Variants in SH3GL2 observed in about 807,000 individuals in gnomAD.
The protein encoded by SH3GL2 is SH3 domain containing GRB2 like 2, endophilin A1, also known as endophilin-A1.
SH3GL2 carries 24 observed loss-of-function variants against 46.0 expected under a neutral mutation model. The observed-to-expected ratio is 0.52, with a 90% CI of 0.38 to 0.73. SH3GL2 has a LOEUF of 0.73. Among genes scored for constraint, SH3GL2 ranks in the 30% least tolerant of loss-of-function variants. The pLI is 0.00. For missense variants in SH3GL2, 413 were observed against 424.2 expected, an observed-to-expected ratio of 0.97 and a Z score of 0.23; for synonymous variants, 196 against 147.1, an observed-to-expected ratio of 1.33 and a Z score of -2.40.
intron 3 of SH3GL2, among the ~76,000 whole-genome samples, chr9:17,781,845 C>T (rs1823818729): frequency 6.6e-6 from 1 of 151,870 alleles, no homozygotes; most frequent in Non-Finnish European, 1.5e-5. Context: ...CATTAGCCTT[C>T]CCAGCCTTAC....
chr9:17,627,838 C>A (rs1221031809), intron 1 of SH3GL2, among the ~76,000 whole-genome samples: 1 of 152,138 alleles, frequency 6.6e-6, no homozygotes, highest in Non-Finnish European at 1.5e-5. Flanking sequence ...GTACACAAAC[C>A]ATGGGGATTG....
chr9:17,751,434 T>G (rs1361114803), intron 2 of SH3GL2, among the ~76,000 whole-genome samples: 2 of 152,020 alleles, frequency 1.3e-5, no homozygotes, highest in African/African-American at 2.4e-5. Context: ...AGAAAAACTT[T>G]TGGCTATCAA....
chr9:17,738,568 A>ATGTGTGTG (rs1462735436), intron 1 of SH3GL2, among the ~76,000 whole-genome samples: 1 of 64,652 alleles, frequency 1.5e-5, no homozygotes, highest in Non-Finnish European at 3.6e-5. Context: ...ATACATACAT[A>ATGTGTGTG]TATATATAGA....
intron 1 of SH3GL2, among the ~76,000 whole-genome samples, chr9:17,660,654 T>G (rs530162794): frequency 1.3e-5 from 2 of 152,302 alleles, no homozygotes; most frequent in East Asian, 3.9e-4. Context: ...AGAAAATCAC[T>G]TAATTCCTCC....
chr9:17,765,434 T>C (rs1270583125), intron 3 of SH3GL2, among the ~76,000 whole-genome samples: 1 of 152,216 alleles, frequency 6.6e-6, no homozygotes, highest in Non-Finnish European at 1.5e-5. Flanking sequence ...ACCAAAGTGA[T>C]TTTGTTTAGC....
At chr9:17,757,706 A>G (rs1823039102) in intron 2 of SH3GL2, among the ~76,000 whole-genome samples, 1 of 152,256 alleles carries the variant, frequency 6.6e-6, no homozygotes, top group Admixed American at 6.5e-5. Context: ...TCAAAGTTAA[A>G]CTGTACTGTT....
At chr9:17,729,557 T>C (rs1037614266) in intron 1 of SH3GL2, among the ~76,000 whole-genome samples, 1 of 152,168 alleles carries the variant, frequency 6.6e-6, no homozygotes, top group Non-Finnish European at 1.5e-5. Context: ...CTGAATGGTA[T>C]TGCCTAGGTT....
intron 1 of SH3GL2, among the ~76,000 whole-genome samples, chr9:17,739,923 G>A (rs1822475052): frequency 6.6e-6 from 1 of 152,028 alleles, no homozygotes. Context: ...ATCAATTTCT[G>A]CATTTTCCAT....
At chr9:17,580,883 C>A (rs60403779) in intron 1 of SH3GL2, among the ~76,000 whole-genome samples, 2,036 of 152,144 alleles carry the variant, frequency 0.013, 44 homozygotes, top group African/African-American at 0.047. Context: ...ATTTCTTTTG[C>A]AAAGCTTAGT....
intron 1 of SH3GL2, among the ~76,000 whole-genome samples, chr9:17,724,664 T>A (rs1821979279): frequency 6.6e-6 from 1 of 152,178 alleles, no homozygotes; most frequent in Non-Finnish European, 1.5e-5. Flanking sequence ...CTATGGTAAC[T>A]CTGGATATTG....
At chr9:17,763,004 C>T (rs7852663) in intron 3 of SH3GL2, among the ~76,000 whole-genome samples, 15 of 152,072 alleles carry the variant, frequency 9.9e-5, no homozygotes, top group African/African-American at 3.4e-4. Context: ...ACTTGTAACT[C>T]ATGGTTGTAG....
chr9:17,596,629 C>T (rs986489431), intron 1 of SH3GL2, among the ~76,000 whole-genome samples: 50 of 152,314 alleles, frequency 3.3e-4, no homozygotes, highest in African/African-American at 1.1e-3. Context: ...AGATAGGAGA[C>T]GTTCCCAGTG....
intron 1 of SH3GL2, among the ~76,000 whole-genome samples, chr9:17,699,363 C>A (rs1554641228): frequency 6.6e-6 from 1 of 152,030 alleles, no homozygotes; most frequent in Non-Finnish European, 1.5e-5. Context: ...TATATTTTTC[C>A]AAACTAAATT....
At chr9:17,738,567 TA>T (rs1822416528) in intron 1 of SH3GL2, among the ~76,000 whole-genome samples, 1 of 64,420 alleles carries the variant, frequency 1.6e-5, no homozygotes, top group African/African-American at 4.4e-5. Context: ...TATACATACA[TA>T]TATATATAGA....
At chr9:17,792,023 A>G (rs9406732) in intron 7 of SH3GL2, among the ~76,000 whole-genome samples, 13,893 of 152,176 alleles carry the variant, frequency 0.091, 1,189 homozygotes, top group African/African-American at 0.23. Flanking sequence ...ATTTAGCCAG[A>G]TTAAACAGGA....
chr9:17,683,238 A>G (rs1362394467), intron 1 of SH3GL2, among the ~76,000 whole-genome samples: 3 of 152,136 alleles, frequency 2.0e-5, no homozygotes, highest in Non-Finnish European at 4.4e-5. Flanking sequence ...AGTTACATGC[A>G]GGCAGTTCTC....
chr9:17,659,413 T>C (rs1820161635), intron 1 of SH3GL2, among the ~76,000 whole-genome samples: 2 of 152,158 alleles, frequency 1.3e-5, no homozygotes, highest in African/African-American at 4.8e-5. Flanking sequence ...GTCATAGAAT[T>C]GTCCTTGGAA....
chr9:17,741,171 G>A (rs1822517985), intron 1 of SH3GL2, among the ~76,000 whole-genome samples: 1 of 152,058 alleles, frequency 6.6e-6, no homozygotes, highest in African/African-American at 2.4e-5. Context: ...GTTAATTAAA[G>A]TAATTCTGTT....
chr9:17,580,761 C>T (rs1035398384), intron 1 of SH3GL2, among the ~76,000 whole-genome samples: 2 of 152,200 alleles, frequency 1.3e-5, no homozygotes, highest in African/African-American at 4.8e-5. Flanking sequence ...AATTCTGTGG[C>T]AGGACTTCTT....
Sources: allele counts gnomAD v4.1 joint callset (sites outside exome capture counted in the v4.1 genomes callset), GRCh38; gene constraint gnomAD v4.1.1; transcripts MANE v1.5; gene names NCBI Gene and HGNC (gene_info 2026-07-23, HGNC 2026-07-21).